Variants in DIAPH3 observed in about 807,000 individuals in gnomAD.
The protein encoded by DIAPH3 is protein diaphanous homolog 3.
DIAPH3 carries 117 observed loss-of-function variants against 144.3 expected under a neutral mutation model. The ratio of observed to expected loss-of-function variants is 0.81; its 90% confidence interval spans 0.70 to 0.95. DIAPH3 has a LOEUF of 0.95. Ranked by LOEUF, DIAPH3 falls within the 40% of genes least tolerant of loss-of-function variation. The pLI is 0.00. For synonymous variants in DIAPH3, 519 were observed against 488.9 expected, an observed-to-expected ratio of 1.06 and a Z score of -0.81; for missense variants, 1,421 against 1,412.7, an observed-to-expected ratio of 1.01 and a Z score of -0.09.
chr13:59,908,382 A>AG (rs2046838478), intron 20 of DIAPH3, among the ~76,000 whole-genome samples: 1 of 146,852 alleles, frequency 6.8e-6, no homozygotes. Context: ...AAAAAAAAAA[A>AG]AAAAAAAAAA....
chr13:59,700,539 G>A (rs558619088), intron 27 of DIAPH3, among the ~76,000 whole-genome samples: 2 of 152,264 alleles, frequency 1.3e-5, no homozygotes, highest in African/African-American at 4.8e-5. Flanking sequence ...TAAGCCATGT[G>A]AAAATCTCTG....
intron 5 of DIAPH3, among the ~76,000 whole-genome samples, chr13:60,020,028 G>C (rs1188842031): frequency 6.6e-6 from 1 of 152,028 alleles, no homozygotes; most frequent in Non-Finnish European, 1.5e-5. Context: ...TTATGATCTG[G>C]AATAAACATA....
chr13:59,697,267 C>G (rs530483713), intron 27 of DIAPH3, among the ~76,000 whole-genome samples: 34 of 151,016 alleles, frequency 2.3e-4, no homozygotes, highest in South Asian at 4.2e-4. Flanking sequence ...AGACCATCCT[C>G]GCTAACACGG....
chr13:60,091,529 C>T (rs1594640380), intron 4 of DIAPH3, among the ~76,000 whole-genome samples: 1 of 151,992 alleles, frequency 6.6e-6, no homozygotes, highest in East Asian at 1.9e-4. Flanking sequence ...AACTCCTGGG[C>T]TCAAGAGATC....
At chr13:59,745,491 T>C (rs1390486209) in intron 27 of DIAPH3, among the ~76,000 whole-genome samples, 1 of 152,204 alleles carries the variant, frequency 6.6e-6, no homozygotes, top group African/African-American at 2.4e-5. Flanking sequence ...AAAAAATGAC[T>C]AGTGTTTGTA....
chr13:60,066,451 C>T lies in DIAPH3; in HGVS notation c.496-23631G>A, dbSNP rs906731268. Among the ~76,000 whole-genome samples, 9 of 152,152 alleles carry T rather than the reference C, an allele frequency of 5.9e-5. No homozygotes were observed. In the South Asian group the frequency reaches 6.2e-4, roughly 11 times the overall value. On this transcript the variant is annotated intron_variant, in intron 4 of 27. Transcript: ENST00000400324. Reference sequence around the variant, plus strand: ...ATGTTTAACAACCATTTCTCAGTAACGCAAAAACAGTCTAATATTGTTTGC... The same window carrying T: ...ATGTTTAACAACCATTTCTCAGTAATGCAAAAACAGTCTAATATTGTTTGC...
chr13:60,056,800 T>C (rs1193153564), intron 4 of DIAPH3, among the ~76,000 whole-genome samples: 3 of 151,876 alleles, frequency 2.0e-5, no homozygotes, highest in South Asian at 2.1e-4. Context: ...TGGGAAGAGA[T>C]AGGGAGTTAC....
intron 3 of DIAPH3, among the ~76,000 whole-genome samples, chr13:60,097,997 A>G (rs1440787294): frequency 6.6e-6 from 1 of 152,212 alleles, no homozygotes; most frequent in African/African-American, 2.4e-5. Flanking sequence ...TAAAAAATGC[A>G]TATCCATATT....
chr13:60,095,552 T>C (rs1006509107), intron 3 of DIAPH3, among the ~76,000 whole-genome samples: 2 of 152,002 alleles, frequency 1.3e-5, no homozygotes, highest in Non-Finnish European at 1.5e-5. Context: ...TGTCTTATGC[T>C]AATTAATGAG....
intron 27 of DIAPH3, among the ~76,000 whole-genome samples, chr13:59,721,094 C>T (rs1436497063): frequency 6.6e-6 from 1 of 152,130 alleles, no homozygotes; most frequent in East Asian, 1.9e-4. Context: ...AAATAACTTG[C>T]TAACCATTAC....
rs146971963 is a variant in DIAPH3 at position 59,877,426 on chromosome 13, C to T, written c.2607+1803G>A. ...TCCTCAATGTAACCCTCTAACCCAG[C>T]GCTGTCCAATAACTTTATGCAATGA... is the stretch of plus-strand genomic sequence containing the variant. On this transcript the variant is annotated intron_variant, in intron 21 of 27. Transcript: ENST00000400324. Among the ~76,000 whole-genome samples the T allele has an allele frequency of 7.2e-3, 1,103 of 152,238 alleles. 5 individuals carry two copies. Among genetic ancestry groups the T allele is most frequent in the Non-Finnish European group, 0.011 (718 of 68,014 alleles).
intron 27 of DIAPH3, among the ~76,000 whole-genome samples, chr13:59,733,980 A>G (rs1457612195): frequency 6.6e-6 from 1 of 152,252 alleles, no homozygotes; most frequent in East Asian, 1.9e-4. Flanking sequence ...CATTCCCAGT[A>G]TGCATGCCCA....
intron 13 of DIAPH3, among the ~76,000 whole-genome samples, chr13:59,983,286 T>C (rs2051150407): frequency 6.6e-6 from 1 of 150,740 alleles, no homozygotes; most frequent in Admixed American, 6.6e-5. Flanking sequence ...CTTATTGAAC[T>C]CTTTTAATAG....
chr13:59,697,157 T>C (rs978598063), intron 27 of DIAPH3, among the ~76,000 whole-genome samples: 1 of 150,822 alleles, frequency 6.6e-6, no homozygotes, highest in South Asian at 2.1e-4. Context: ...AGCAGAAAGG[T>C]TTTTAGAAGA....
chr13:59,681,633 A>G (rs1312899064), intron 27 of DIAPH3, among the ~76,000 whole-genome samples: 2 of 151,978 alleles, frequency 1.3e-5, no homozygotes, highest in Non-Finnish European at 2.9e-5. Flanking sequence ...GCTATATTTT[A>G]CAAGACTCAT....
chr13:59,774,804 C>G lies in DIAPH3; in HGVS notation c.3183G>C (p.Val1061=), dbSNP rs1248476976. Residue 1061 remains valine (V), a synonymous_variant, in exon 26 of 28, where the codon GTG becomes GTC. Coordinates refer to ENST00000400324, the MANE Select transcript of DIAPH3 (RefSeq NM_001042517.2). ...EMKTEGDETG[V]MDNLLEALQS... is the part of the protein sequence containing the mutation. ...GCAAGGCCTCCAGCAGATTATCCATCACTCCTGTCTCATCACCCTCTGTGA... is the reference window on the plus strand; with the variant it reads ...GCAAGGCCTCCAGCAGATTATCCATGACTCCTGTCTCATCACCCTCTGTGA... 1 of 1,614,016 alleles carries G rather than the reference C, an allele frequency of 6.2e-7. No homozygotes were observed. Among genetic ancestry groups the G allele is most frequent in the Non-Finnish European group, 8.5e-7 (1 of 1,180,002 alleles).
At chr13:59,825,964 T>A (rs892452406) in intron 24 of DIAPH3, among the ~76,000 whole-genome samples, 2 of 152,120 alleles carry the variant, frequency 1.3e-5, no homozygotes, top group African/African-American at 4.8e-5. Flanking sequence ...AGAAAAGGCC[T>A]TTGACAAAAT....
At chr13:59,885,503 G>A (rs2045383433) in intron 20 of DIAPH3, among the ~76,000 whole-genome samples, 1 of 139,276 alleles carries the variant, frequency 7.2e-6, no homozygotes, top group Admixed American at 7.3e-5. Context: ...GTATAATTCA[G>A]TACTTTGTTC....
intron 17 of DIAPH3, among the ~76,000 whole-genome samples, chr13:59,941,545 C>T (rs952170893): frequency 4.5e-4 from 69 of 152,248 alleles, no homozygotes; most frequent in Admixed American, 3.3e-3. Flanking sequence ...AGGAAGACCG[C>T]CTCACAGAAG....
Sources: allele counts gnomAD v4.1 joint callset (sites outside exome capture counted in the v4.1 genomes callset), GRCh38; gene constraint gnomAD v4.1.1; transcripts MANE v1.5; gene names NCBI Gene and HGNC (gene_info 2026-07-23, HGNC 2026-07-21).